The following CYRIB variants were observed in gnomAD, a reference collection of about 807,000 sequenced individuals.
CYRIB encodes the protein CYFIP related Rac1 interactor B.
Under a neutral mutation model 44.2 loss-of-function variants are expected in CYRIB, and 8 were observed. That is an observed-to-expected ratio of 0.18 (90% CI 0.11 to 0.33). CYRIB has a LOEUF of 0.33. Ranked by LOEUF, CYRIB falls within the 10% of genes least tolerant of loss-of-function variation. The pLI, the probability that CYRIB is intolerant of heterozygous loss-of-function variation, is 1.00. For synonymous variants in CYRIB, 131 were observed against 127.2 expected, an observed-to-expected ratio of 1.03 and a Z score of -0.20; for missense variants, 185 against 382.8, an observed-to-expected ratio of 0.48 and a Z score of 4.31.
intron 1 of CYRIB, among the ~76,000 whole-genome samples, chr8:129,923,797 G>A (rs2085417226): frequency 6.7e-6 from 1 of 149,966 alleles, no homozygotes. Context: ...AGTAAAACAT[G>A]AAAAAGAGTA....
At chr8:129,860,914 T>A (rs1453034373) in intron 5 of CYRIB, among the ~76,000 whole-genome samples, 1 of 150,798 alleles carries the variant, frequency 6.6e-6, no homozygotes, top group Non-Finnish European at 1.5e-5. Context: ...ACCTGGCAAC[T>A]AAGTAGAAAT....
chr8:130,005,314 G>A (rs2097027102), intron 1 of CYRIB, among the ~76,000 whole-genome samples: 1 of 152,156 alleles, frequency 6.6e-6, no homozygotes, highest in Non-Finnish European at 1.5e-5. Flanking sequence ...AGGCTGGTGG[G>A]TGCTAGGGCA....
intron 2 of CYRIB, among the ~76,000 whole-genome samples, chr8:129,968,255 C>G (rs949235447): frequency 2.0e-5 from 3 of 152,302 alleles, no homozygotes; most frequent in Non-Finnish European, 4.4e-5. Flanking sequence ...TTAATTCTCT[C>G]TTTAGCTATG....
At chr8:129,951,082 A>G (rs972142855) in intron 2 of CYRIB, among the ~76,000 whole-genome samples, 1 of 152,172 alleles carries the variant, frequency 6.6e-6, no homozygotes, top group Non-Finnish European at 1.5e-5. Flanking sequence ...AGGCAGGCAG[A>G]TCACTCAAGT....
At chr8:129,934,848 A>G (rs751270936) in intron 1 of CYRIB, among the ~76,000 whole-genome samples, 1 of 152,228 alleles carries the variant, frequency 6.6e-6, no homozygotes, top group Non-Finnish European at 1.5e-5. Flanking sequence ...AAATTTACTG[A>G]GGGTCTGGAG....
intron 1 of CYRIB, among the ~76,000 whole-genome samples, chr8:129,997,192 A>G (rs2096794382): frequency 6.6e-6 from 1 of 151,966 alleles, no homozygotes; most frequent in Non-Finnish European, 1.5e-5. Context: ...ATGTCACTTA[A>G]GCTGACCCAG....
chr8:130,016,043 G>C (rs2097335488), intron 1 of CYRIB, among the ~76,000 whole-genome samples: 1 of 151,742 alleles, frequency 6.6e-6, no homozygotes, highest in Admixed American at 6.6e-5. Context: ...CTGCCTCGAG[G>C]CGCACAAGGC....
At chr8:129,969,569 A>C (rs1055051832) in intron 2 of CYRIB, among the ~76,000 whole-genome samples, 36 of 152,338 alleles carry the variant, frequency 2.4e-4, no homozygotes, top group African/African-American at 8.7e-4. Context: ...AAATTGAAAG[A>C]AGCCAAAATT....
chr8:129,872,530 TA>T (rs2057690587), intron 3 of CYRIB, among the ~76,000 whole-genome samples: 2 of 152,076 alleles, frequency 1.3e-5, no homozygotes, highest in Non-Finnish European at 2.9e-5. Flanking sequence ...AGGTGGACTC[TA>T]AGAGGAAATG....
chr8:129,902,145 T>C (rs2135725149), intron 2 of CYRIB, among the ~76,000 whole-genome samples: 1 of 152,284 alleles, frequency 6.6e-6, no homozygotes, highest in Admixed American at 6.5e-5. Flanking sequence ...GTGATAACAA[T>C]TCTGAAGGAC....
chr8:129,997,317 T>C (rs1195156476), intron 1 of CYRIB, among the ~76,000 whole-genome samples: 1 of 152,134 alleles, frequency 6.6e-6, no homozygotes, highest in African/African-American at 2.4e-5. Context: ...ATATCCACAG[T>C]AGAAGAGAAA....
At chr8:129,858,900 T>C (rs1410492489) in intron 5 of CYRIB, among the ~76,000 whole-genome samples, 4 of 152,252 alleles carry the variant, frequency 2.6e-5, no homozygotes, top group Admixed American at 1.3e-4. Flanking sequence ...CAAGCAAGTA[T>C]GGCAAGTTTA....
intron 5 of CYRIB, among the ~76,000 whole-genome samples, chr8:129,857,135 T>C (rs1564162130): frequency 1.3e-5 from 2 of 152,342 alleles, no homozygotes; most frequent in East Asian, 3.9e-4. Flanking sequence ...GAAAATGTAC[T>C]GACTGGCTAC....
chr8:129,892,563 T>C (rs1270183447), intron 2 of CYRIB, among the ~76,000 whole-genome samples: 1 of 152,142 alleles, frequency 6.6e-6, no homozygotes, highest in African/African-American at 2.4e-5. Context: ...GCCAATAGTT[T>C]CAATGATTAC....
intron 2 of CYRIB, among the ~76,000 whole-genome samples, chr8:129,891,179 T>C (rs758672713): frequency 2.0e-5 from 3 of 152,230 alleles, no homozygotes; most frequent in Non-Finnish European, 4.4e-5. Context: ...CAAATCCATC[T>C]CTTCTCTTTT....
chr8:129,980,720 G>T (rs892316202), intron 1 of CYRIB, among the ~76,000 whole-genome samples: 1 of 151,810 alleles, frequency 6.6e-6, no homozygotes, highest in Non-Finnish European at 1.5e-5. Flanking sequence ...AGTGGCTCAC[G>T]CCTGTAACCC....
At chr8:130,004,445 A>C (rs1235058267) in intron 1 of CYRIB, 2 of 152,128 alleles carry the variant, frequency 1.3e-5, no homozygotes, top group Non-Finnish European at 2.9e-5. Context: ...TCAAAGGGCC[A>C]AATGCTTTTC....
At chr8:129,907,697 T>C (rs1216941211) in intron 1 of CYRIB, among the ~76,000 whole-genome samples, 1 of 152,190 alleles carries the variant, frequency 6.6e-6, no homozygotes, top group African/African-American at 2.4e-5. Flanking sequence ...CTCTGTAGTA[T>C]TTCAAATGAT....
chr8:129,873,856 G>T (rs1301386376), intron 3 of CYRIB, among the ~76,000 whole-genome samples: 1 of 151,968 alleles, frequency 6.6e-6, no homozygotes, highest in Non-Finnish European at 1.5e-5. Context: ...TCCCTTTAGG[G>T]TGAGAAAAAC....
Sources: allele counts gnomAD v4.1 joint callset (sites outside exome capture counted in the v4.1 genomes callset), GRCh38; gene constraint gnomAD v4.1.1; transcripts MANE v1.5; gene names NCBI Gene and HGNC (gene_info 2026-07-23, HGNC 2026-07-21).